Variants in RSF1 observed in about 807,000 individuals in gnomAD.
RSF1 encodes HBV pX-associated protein 8.
Under a neutral mutation model 145.2 loss-of-function variants are expected in RSF1, and 13 were observed. The observed-to-expected ratio is 0.09, with a 90% CI of 0.06 to 0.14. The LOEUF is 0.14. Among genes scored for constraint, RSF1 ranks in the 10% least tolerant of loss-of-function variants. The pLI, the probability that RSF1 is intolerant of heterozygous loss-of-function variation, is 1.00. For missense variants in RSF1, 1,517 were observed against 1,718.2 expected (o/e 0.88, Z 2.07); for synonymous variants, 577 against 592.6 (o/e 0.97, Z 0.38).
chr11:77,739,032 C>T (rs530757161), intron 4 of RSF1: 48 of 152,232 alleles, frequency 3.2e-4, no homozygotes, highest in African/African-American at 8.9e-4. Context: ...CTCTGCCTCC[C>T]GGGTTCAAGC....
the RSF1 span, among the ~76,000 whole-genome samples, chr11:77,838,957 T>G: frequency 6.6e-6 from 1 of 152,182 alleles, no homozygotes; most frequent in South Asian, 2.1e-4. Flanking sequence ...AGTGCTAGAA[T>G]TTCCATTTTA....
Position 77,662,794 on chromosome 11 carries a change from G to A in RSF1, c.*4123C>T, listed in dbSNP as rs1294649787. 2 of 152,142 alleles carry A rather than the reference G, an allele frequency of 1.3e-5. No homozygotes were observed. The highest frequency in any genetic ancestry group is 4.1e-4 in the South Asian group (2 of 4,828). The allele number at this position is 152,142 out of a possible 1,614,324, so 9.4% of individuals were successfully genotyped here. ...GATCATATTAAGCAGAAGAGGGCTA[G>A]GTAGATTACAGCAGATATGCAGCCT... is the stretch of plus-strand genomic sequence containing the variant. On this transcript the variant is annotated 3_prime_UTR_variant, in exon 16 of 16. Transcript: ENST00000308488.
rs936902105 is a variant in RSF1, at chr11:77,660,290, G to A, written c.*6627C>T. ...ATGCACTGCAATTCTAACACACTAG[G>A]TGTTCATACACTGAAGTTAACCCCT... On this transcript the variant is annotated 3_prime_UTR_variant, in exon 16 of 16. Transcript: ENST00000308488. 6.6e-6 allele frequency: 1 copy of A among 152,150 alleles called. No individual in the cohort carries two copies. Among genetic ancestry groups the A allele is most frequent in the Non-Finnish European group, 1.5e-5 (1 of 68,022 alleles). 9.4% of individuals were successfully genotyped at this position (152,150 alleles called of 1,614,324 possible).
At chr11:77,846,286 G>A in the RSF1 span, among the ~76,000 whole-genome samples, 1 of 152,148 alleles carries the variant, frequency 6.6e-6, no homozygotes, top group African/African-American at 2.4e-5. Context: ...ATTCATTTTT[G>A]TAATTTAGAT....
In RSF1 at chr11:77,761,303, T is replaced by C. The variant is rs544821847; in HGVS notation, c.279+3295A>G. On this transcript the variant is annotated intron_variant, in intron 2 of 15. Coordinates refer to ENST00000308488, the MANE Select transcript of RSF1 (RefSeq NM_016578.4). ...GTACTGAGCCCCCCAAAATACTTTCTGCTTATTCTAAGATTCGTATTTGCT... is the reference window on the plus strand; with the variant it reads ...GTACTGAGCCCCCCAAAATACTTTCCGCTTATTCTAAGATTCGTATTTGCT... Among the ~76,000 whole-genome samples, 26 of 152,316 alleles carry C rather than the reference T, an allele frequency of 1.7e-4. 1 individual carries two copies. Among genetic ancestry groups the C allele is most frequent in the Admixed American group, 1.4e-3 (21 of 15,294 alleles).
At chr11:77,806,712 G>C (rs1450973133) in intron 1 of RSF1, among the ~76,000 whole-genome samples, 2 of 151,382 alleles carry the variant, frequency 1.3e-5, no homozygotes, top group Non-Finnish European at 2.9e-5. Flanking sequence ...AGGAAGAAAT[G>C]AAAGACCAAA....
intron 4 of RSF1, among the ~76,000 whole-genome samples, chr11:77,735,377 T>G (rs2135902192): frequency 6.6e-6 from 1 of 152,336 alleles, no homozygotes; most frequent in South Asian, 2.1e-4. Context: ...GGATTCTCAT[T>G]TTTTAAAAAT....
chr11:77,675,734 C>G (rs999653956), intron 13 of RSF1, among the ~76,000 whole-genome samples: 2 of 152,184 alleles, frequency 1.3e-5, no homozygotes, highest in African/African-American at 4.8e-5. Flanking sequence ...CTGTTTTCAG[C>G]TTTTCATACT....
intron 11 of RSF1, among the ~76,000 whole-genome samples, chr11:77,683,340 T>C (rs561153226): frequency 2.0e-5 from 3 of 151,812 alleles, no homozygotes; most frequent in Non-Finnish European, 4.4e-5. Flanking sequence ...GGAAATCTGA[T>C]AAAGTATGTT....
At chr11:77,760,614 AAG>A (rs1257100860) in intron 2 of RSF1, among the ~76,000 whole-genome samples, 3 of 152,280 alleles carry the variant, frequency 2.0e-5, no homozygotes, top group South Asian at 2.1e-4. Context: ...TATAAAAATT[AAG>A]AGTGTTAATC....
chr11:77,771,774 T>C (rs890174428), intron 1 of RSF1, among the ~76,000 whole-genome samples: 4 of 152,148 alleles, frequency 2.6e-5, no homozygotes, highest in African/African-American at 9.7e-5. Flanking sequence ...TTTAAAAATG[T>C]CCATAGGATA....
chr11:77,742,060 G>A (rs1271094749), intron 3 of RSF1, among the ~76,000 whole-genome samples: 1 of 152,172 alleles, frequency 6.6e-6, no homozygotes. Context: ...CGGACATTTA[G>A]AATGATCCTG....
Position 77,809,047 on chromosome 11 carries a change from T to G in RSF1, c.187+11481A>C, listed in dbSNP as rs1948706688. The stretch of plus-strand genomic sequence containing the variant: ...GTGGGGACAAAACACTGGTTAAGAG[T>G]TGGGCTCTGAAGCCAGACTTACCCA... On this transcript the variant is annotated intron_variant, in intron 1 of 15. Coordinates refer to ENST00000308488, the MANE Select transcript of RSF1 (RefSeq NM_016578.4). Among the ~76,000 whole-genome samples the G allele has an allele frequency of 2.0e-5, 3 of 152,126 alleles. No individual in the cohort carries two copies. The South Asian group carries it at 6.2e-4, about 31-fold the overall frequency.
At chr11:77,818,444 A>G (rs774639344) in intron 1 of RSF1, among the ~76,000 whole-genome samples, 2 of 152,130 alleles carry the variant, frequency 1.3e-5, no homozygotes, top group African/African-American at 2.4e-5. Context: ...GGCATCCTAA[A>G]AGCAACTTAC....
rs752047906 is a variant in RSF1 at position 77,667,000 on chromosome 11, C to T, written c.4243G>A (p.Ala1415Thr). Residue 1415 changes from alanine to threonine, a missense_variant, in exon 16 of 16, where the codon GCA becomes ACA. Ala to Thr is a moderately conservative substitution (Grantham distance 58, BLOSUM62 0). Around this residue, in one of 12 missense-constraint regions of RSF1, gnomAD observed 240 missense variants for 231.8 expected, o/e 1.04. Transcript: ENST00000308488. ...TCTTCCTCCTCTTCTGGTGCTCCTG[C>T]CTCCTGCCCACCACTTGTCCCATTG... is the stretch of plus-strand genomic sequence containing the variant. ...ASNGTSGGQE[A>T]GAPEEEEDEL... 1.9e-5 allele frequency: 30 copies of T among 1,611,902 alleles called. No homozygotes were observed. The highest frequency in any genetic ancestry group is 2.0e-5 in the Non-Finnish European group (24 of 1,178,262).
chr11:77,671,474 C>T (rs1033242685), intron 15 of RSF1, among the ~76,000 whole-genome samples: 2 of 151,712 alleles, frequency 1.3e-5, no homozygotes, highest in Non-Finnish European at 2.9e-5. Flanking sequence ...GTAGAATAAT[C>T]TTGATCAGAT....
intron 11 of RSF1, among the ~76,000 whole-genome samples, chr11:77,680,684 G>A (rs1959835655): frequency 1.3e-5 from 2 of 152,290 alleles, no homozygotes; most frequent in South Asian, 4.1e-4. Context: ...AATTTTTACT[G>A]GCTGCATAGT....
chr11:77,840,272 T>G, the RSF1 span, among the ~76,000 whole-genome samples: 1 of 152,204 alleles, frequency 6.6e-6, no homozygotes, highest in Non-Finnish European at 1.5e-5. Flanking sequence ...CTCACGCCTG[T>G]AATCCCAGCA....
At chr11:77,792,474 T>G (rs1948527070) in intron 1 of RSF1, among the ~76,000 whole-genome samples, 1 of 152,160 alleles carries the variant, frequency 6.6e-6, no homozygotes, top group Non-Finnish European at 1.5e-5. Context: ...TACGTCACCC[T>G]GGGACCAAAG....
Sources: allele counts gnomAD v4.1 joint callset (sites outside exome capture counted in the v4.1 genomes callset), GRCh38; gene constraint gnomAD v4.1.1; regional missense constraint gnomAD v4.1.1; transcripts MANE v1.5; gene names NCBI Gene and HGNC (gene_info 2026-07-23, HGNC 2026-07-21).